The following UTS2 variants were observed in gnomAD, a reference collection of about 807,000 sequenced individuals.
UTS2 encodes urotensin-2.
A neutral mutation model predicts 12.6 loss-of-function variants in UTS2; 10 were observed. The observed-to-expected ratio is 0.80, with a 90% CI of 0.49 to 1.35. The LOEUF is 1.35. Among genes scored for constraint, UTS2 ranks in the 40% most tolerant of loss-of-function variants. UTS2 has a pLI of 0.00. For missense variants in UTS2, 142 were observed against 143.2 expected (o/e 0.99, Z 0.04); for synonymous variants, 52 against 50.0 (o/e 1.04, Z -0.17).
intron 1 of UTS2, 62 bp from the exon 2 acceptor site, chr1:7,850,984 T>G: frequency 6.5e-7 from 1 of 1,544,676 alleles, no homozygotes; most frequent in Admixed American, 1.7e-5. Context: ...TTTCTGTTCC[T>G]TGTGTCTTTG....
Position 7,849,414 on chromosome 1 carries a change from T to C in UTS2, c.258+226A>G, listed in dbSNP as rs2097411545. On this transcript the variant is annotated intron_variant, in intron 3 of 3. Transcript: ENST00000361696. ...TTAGTAGAGACAGGGTTTCACCATG[T>C]TGGCCAGGCTGGTCTCGAACTTCTG... Among the ~76,000 whole-genome samples the C allele has an allele frequency of 2.0e-5, 3 of 152,232 alleles. No homozygotes were observed. In the South Asian group the frequency reaches 6.2e-4, roughly 32 times the overall value.
chr1:7,867,017 G>A, the UTS2 span, among the ~76,000 whole-genome samples: 1 of 152,084 alleles, frequency 6.6e-6, no homozygotes. Flanking sequence ...TTACAGGCAT[G>A]CATCACCACG....
chr1:7,913,107 C>T, the UTS2 span, among the ~76,000 whole-genome samples: 1 of 151,070 alleles, frequency 6.6e-6, no homozygotes, highest in Non-Finnish European at 1.5e-5. Context: ...TGCTACGGAA[C>T]TCCCACCCTC....
the UTS2 span, among the ~76,000 whole-genome samples, chr1:7,894,052 C>T: frequency 6.6e-6 from 1 of 152,024 alleles, no homozygotes; most frequent in Non-Finnish European, 1.5e-5. Flanking sequence ...AGTCACTCTG[C>T]GTCTTGCCAA....
chr1:7,901,606 A>ATGTGTG, the UTS2 span, among the ~76,000 whole-genome samples: 1,976 of 126,728 alleles, frequency 0.016, 41 homozygotes, highest in African/African-American at 0.052. Flanking sequence ...ATATTCATCT[A>ATGTGTG]TGTGTGTGTG....
upstream of UTS2, among the ~76,000 whole-genome samples, chr1:7,856,579 T>G (rs1212192319): frequency 2.7e-5 from 1 of 36,946 alleles, no homozygotes; most frequent in Non-Finnish European, 6.4e-5. Flanking sequence ...GTGAAGAGAG[T>G]CCCTGGGGGA....
At chr1:7,853,124 C>CAAAAA (rs34962249), upstream of UTS2, 5 of 1,277,320 alleles carry the variant, frequency 3.9e-6, no homozygotes, top group Admixed American at 6.9e-5. Flanking sequence ...TCATCCTCTC[C>CAAAAA]AAAAAAAAAA....
At chr1:7,909,372 C>T in the UTS2 span, among the ~76,000 whole-genome samples, 2 of 151,960 alleles carry the variant, frequency 1.3e-5, no homozygotes, top group African/African-American at 4.8e-5. Flanking sequence ...TGGTGAAACC[C>T]CATCTCTGCT....
chr1:7,886,329 T>C, the UTS2 span, among the ~76,000 whole-genome samples: 10 of 152,244 alleles, frequency 6.6e-5, no homozygotes, highest in African/African-American at 2.4e-4. Flanking sequence ...AGAAAAATAT[T>C]TGTCATTTCT....
At chr1:7,878,712 G>A in the UTS2 span, among the ~76,000 whole-genome samples, 1 of 151,834 alleles carries the variant, frequency 6.6e-6, no homozygotes, top group Admixed American at 6.6e-5. Flanking sequence ...AAAAAAATGA[G>A]AGAGATAAAT....
the UTS2 span, among the ~76,000 whole-genome samples, chr1:7,871,874 C>T: frequency 7.4e-6 from 1 of 134,496 alleles, no homozygotes; most frequent in African/African-American, 3.1e-5. Context: ...CCATCTCTCC[C>T]TCTCCTTGGG....
the UTS2 span, among the ~76,000 whole-genome samples, chr1:7,881,918 A>G: frequency 2.6e-5 from 4 of 152,256 alleles, no homozygotes; most frequent in Non-Finnish European, 5.9e-5. Context: ...TGGTATTGGT[A>G]TAAAAATAGA....
At chr1:7,859,362 G>A in the UTS2 span, among the ~76,000 whole-genome samples, 2 of 151,424 alleles carry the variant, frequency 1.3e-5, no homozygotes, top group Non-Finnish European at 2.9e-5. Flanking sequence ...TGAATGCCTC[G>A]TCTGTCAGCT....
At chr1:7,871,527 G>A in the UTS2 span, among the ~76,000 whole-genome samples, 1 of 152,088 alleles carries the variant, frequency 6.6e-6, no homozygotes, top group East Asian at 1.9e-4. Context: ...CGTGTCAGCA[G>A]CATACCTTGT....
chr1:7,857,165 C>A (rs919587880), upstream of UTS2, among the ~76,000 whole-genome samples: 1 of 73,324 alleles, frequency 1.4e-5, no homozygotes, highest in African/African-American at 5.1e-5. Context: ...TGGAAAGACA[C>A]TGGATAGCTT....
chr1:7,855,032 G>T (rs892447058), upstream of UTS2, among the ~76,000 whole-genome samples: 1 of 151,812 alleles, frequency 6.6e-6, no homozygotes, highest in African/African-American at 2.4e-5. Context: ...GTGGTGGCAG[G>T]TGCCTGTAGT....
chr1:7,887,040 CAAAAAAAAAAAAAA>C, the UTS2 span, among the ~76,000 whole-genome samples: 193 of 34,738 alleles, frequency 5.6e-3, 2 homozygotes, highest in African/African-American at 0.022. Context: ...GACTCCGTCT[CAAAAAAAAAAAAAA>C]AAAAAAAAAA....
chr1:7,887,576 T>C, the UTS2 span, among the ~76,000 whole-genome samples: 2 of 119,686 alleles, frequency 1.7e-5, no homozygotes, highest in Non-Finnish European at 3.2e-5. Context: ...CTGGACAACA[T>C]GAGACCCAGT....
At chr1:7,849,596 A>T (rs767638296) in intron 3 of UTS2, 44 bp downstream of exon 3, 1 of 1,526,204 alleles carries the variant, frequency 6.6e-7, no homozygotes, top group Non-Finnish European at 9.0e-7. Flanking sequence ...ACCAGTACAG[A>T]ATGTTCACCT....
Sources: gnomAD v4.1 joint callset for allele counts (sites outside exome capture counted in the v4.1 genomes callset) on GRCh38, gnomAD v4.1.1 for gene constraint, MANE v1.5 for transcripts, NCBI Gene and HGNC (gene_info 2026-07-23, HGNC 2026-07-21) for gene names.